ITPK1: variants seen among roughly 807,000 people sequenced by gnomAD.
ITPK1 encodes the protein inositol-tetrakisphosphate 1-kinase.
ITPK1 carries 21 observed loss-of-function variants against 45.3 expected under a neutral mutation model. That is an observed-to-expected ratio of 0.46 (90% CI 0.33 to 0.67). The LOEUF is 0.67. Among genes scored for constraint, ITPK1 ranks in the 30% least tolerant of loss-of-function variants. The pLI, the probability that ITPK1 is intolerant of heterozygous loss-of-function variation, is 0.02. For synonymous variants in ITPK1, 258 were observed against 253.6 expected (o/e 1.02, Z -0.16); for missense variants, 474 against 573.5 (o/e 0.83, Z 1.77).
chr14:93,066,045 T>A, intron 3 of ITPK1: 2 of 275,210 alleles, frequency 7.3e-6, no homozygotes, highest in Non-Finnish European at 1.5e-5. Flanking sequence ...TGTGAGCCTA[T>A]CTTGACTTCC....
In ITPK1 at chr14:93,110,137, C is replaced by G. The variant is rs555876714; in HGVS notation, c.95+4932G>C. 3.3e-5 allele frequency among the ~76,000 whole-genome samples: 5 copies of G among 152,238 alleles called. No homozygotes were observed. The East Asian group carries it at 9.6e-4, about 29-fold the overall frequency. On this transcript the variant is annotated intron_variant, in intron 2 of 10. Transcript: ENST00000267615. ...GCACATAGGCAGTCAGTCGTGGAGTCAGGCCTGAAACTGAGGCAGTCCCTT... is the reference window on the plus strand; with the variant it reads ...GCACATAGGCAGTCAGTCGTGGAGTGAGGCCTGAAACTGAGGCAGTCCCTT...
chr14:93,109,700 A>C (rs1005194170), intron 2 of ITPK1, among the ~76,000 whole-genome samples: 3 of 152,188 alleles, frequency 2.0e-5, no homozygotes, highest in Non-Finnish European at 4.4e-5. Context: ...CCATGTGCTG[A>C]AGGAGAACAG....
In ITPK1 at chr14:93,038,437, C is replaced by T. The variant is rs150424614; in HGVS notation, c.121-21636G>A. Among the ~76,000 whole-genome samples, 526 of 152,242 alleles carry T rather than the reference C, an allele frequency of 3.5e-3. 4 individuals are homozygous for T. Among genetic ancestry groups the T allele is most frequent in the African/African-American group, 0.012 (500 of 41,548 alleles). On this transcript the variant is annotated intron_variant, in intron 3 of 10. Coordinates refer to ENST00000267615, the MANE Select transcript of ITPK1 (RefSeq NM_014216.6). The stretch of plus-strand genomic sequence containing the variant: ...TAATGTTTGGTTGTTTCTAATTGTA[C>T]AATTATACATAACACAGGAAAAATG...
At chr14:93,043,268 C>G (rs965670623) in intron 3 of ITPK1, among the ~76,000 whole-genome samples, 1 of 151,904 alleles carries the variant, frequency 6.6e-6, no homozygotes, top group Non-Finnish European at 1.5e-5. Context: ...CTAAGGAGAT[C>G]GGATTGAAAT....
Position 92,975,118 on chromosome 14 carries a change from C to T in ITPK1, c.365-12269G>A, listed in dbSNP as rs116907081. On this transcript the variant is annotated intron_variant, in intron 5 of 10. Transcript: ENST00000267615. ...TGTAAAGCCCAGCCTAAGGCTGAGCCGCTGCTCCATGCTCCCCAACGGCTC... is the reference window on the plus strand; with the variant it reads ...TGTAAAGCCCAGCCTAAGGCTGAGCTGCTGCTCCATGCTCCCCAACGGCTC... Among the ~76,000 whole-genome samples, 99 of 152,338 alleles carry T rather than the reference C, an allele frequency of 6.5e-4. No homozygotes were observed. In the East Asian group the frequency reaches 7.1e-3, roughly 11 times the overall value.
chr14:93,015,017 G>C (rs1305963684), intron 4 of ITPK1, among the ~76,000 whole-genome samples: 1 of 152,232 alleles, frequency 6.6e-6, no homozygotes, highest in South Asian at 2.1e-4. Flanking sequence ...ACAGGCACAT[G>C]AACTGGGCAC....
chr14:93,105,679 C>A (rs1436057991), intron 2 of ITPK1, among the ~76,000 whole-genome samples: 2 of 151,098 alleles, frequency 1.3e-5, no homozygotes, highest in Non-Finnish European at 2.9e-5. Flanking sequence ...CACCCACCAC[C>A]ACGCCTGGCT....
intron 3 of ITPK1, among the ~76,000 whole-genome samples, chr14:93,060,574 C>T (rs919038087): frequency 3.9e-5 from 6 of 152,166 alleles, no homozygotes; most frequent in Admixed American, 2.0e-4. Flanking sequence ...TGCTCTGCTG[C>T]AAAAGGCCCA....
rs1215518939 is a variant in ITPK1, at chr14:92,939,961, T to C, written c.*1600A>G. On this transcript the variant is annotated 3_prime_UTR_variant, in exon 11 of 11. Transcript: ENST00000267615. The stretch of plus-strand genomic sequence containing the variant: ...GGCTCAGGGTCAGAACTAGGAAAGG[T>C]GACGTACAGACATTAATCGGGGTTC... 1.0e-6 allele frequency: 1 copy of C among 985,702 alleles called. No homozygotes were observed. Among genetic ancestry groups the C allele is most frequent in the Non-Finnish European group, 1.2e-6 (1 of 829,942 alleles). The allele number at this position is 985,702 out of a possible 1,614,324, so 61.1% of individuals were successfully genotyped here. A position where few individuals can be genotyped will look rare whatever the true frequency, so the allele number is the denominator to read the frequency against.
chr14:92,982,025 T>C (rs573849151), intron 5 of ITPK1, among the ~76,000 whole-genome samples: 3 of 152,126 alleles, frequency 2.0e-5, no homozygotes, highest in South Asian at 2.1e-4. Flanking sequence ...AGGGGCAGTA[T>C]GACAGGAGAC....
intron 5 of ITPK1, among the ~76,000 whole-genome samples, chr14:92,967,635 C>G (rs372909862): frequency 6.6e-6 from 1 of 152,182 alleles, no homozygotes; most frequent in Admixed American, 6.5e-5. Flanking sequence ...TCATCATAGT[C>G]CAAATGGGGC....
At chr14:92,988,790 C>T (rs1187633792) in intron 5 of ITPK1, among the ~76,000 whole-genome samples, 1 of 152,194 alleles carries the variant, frequency 6.6e-6, no homozygotes, top group African/African-American at 2.4e-5. Context: ...AGTATCCTCA[C>T]CTCTAAATCG....
chr14:92,957,625 G>A (rs72704292), intron 8 of ITPK1, among the ~76,000 whole-genome samples: 11,371 of 152,250 alleles, frequency 0.075, 632 homozygotes, highest in East Asian at 0.32. Flanking sequence ...CTAGACCACC[G>A]TCCACTGACT....
intron 2 of ITPK1, among the ~76,000 whole-genome samples, chr14:93,085,830 T>C (rs1386059576): frequency 6.6e-6 from 1 of 152,228 alleles, no homozygotes; most frequent in African/African-American, 2.4e-5. Context: ...TTTGAGTCTT[T>C]TACTATCCCC....
chr14:93,086,795 G>A (rs144787580), intron 2 of ITPK1, among the ~76,000 whole-genome samples: 1 of 152,324 alleles, frequency 6.6e-6, no homozygotes, highest in East Asian at 1.9e-4. Flanking sequence ...CCAGGTCATG[G>A]GCACTGGGGT....
Position 92,941,129 on chromosome 14 carries a change from T to G in ITPK1, c.*432A>C. On this transcript the variant is annotated 3_prime_UTR_variant, in exon 11 of 11. Coordinates refer to ENST00000267615, the MANE Select transcript of ITPK1 (RefSeq NM_014216.6). ...GGGAGTCAGGCAGAAGGGAAGCCACTCTCACATGCACCGATCAGCCTCCCA... is the reference window on the plus strand; with the variant it reads ...GGGAGTCAGGCAGAAGGGAAGCCACGCTCACATGCACCGATCAGCCTCCCA... The G allele has an allele frequency of 8.3e-7, 1 of 1,205,308 alleles. No homozygotes were observed. Among genetic ancestry groups the G allele is most frequent in the Non-Finnish European group, 1.0e-6 (1 of 953,584 alleles). 74.7% of individuals were successfully genotyped at this position (1,205,308 alleles called of 1,614,324 possible).
intron 3 of ITPK1, among the ~76,000 whole-genome samples, chr14:93,072,461 A>AT (rs1891053384): frequency 6.6e-6 from 1 of 152,094 alleles, no homozygotes; most frequent in Non-Finnish European, 1.5e-5. Flanking sequence ...TTTCATCTCC[A>AT]TTTTTTAATT....
chr14:93,079,460 G>A (rs1035239726), intron 2 of ITPK1, among the ~76,000 whole-genome samples: 10 of 152,182 alleles, frequency 6.6e-5, no homozygotes, highest in South Asian at 6.2e-4. Context: ...GAGCTGGCCC[G>A]GAACAGGGCT....
In ITPK1 at chr14:92,938,754, C is replaced by G. The variant is rs1887222716; in HGVS notation, c.*2807G>C. ...AGCACCAGTTCCAGGGTGGCCTCCCCTTGGCTCTTGGGGTGGGGACACCCA... is the reference window on the plus strand; with the variant it reads ...AGCACCAGTTCCAGGGTGGCCTCCCGTTGGCTCTTGGGGTGGGGACACCCA... On this transcript the variant is annotated 3_prime_UTR_variant, in exon 11 of 11. Coordinates refer to ENST00000267615, the MANE Select transcript of ITPK1 (RefSeq NM_014216.6). 1.7e-6 allele frequency: 1 copy of G among 596,176 alleles called. No homozygotes were observed. The highest frequency in any genetic ancestry group is 3.0e-6 in the Non-Finnish European group (1 of 335,284). 36.9% of individuals were successfully genotyped at this position (596,176 alleles called of 1,614,324 possible).
Sources: allele counts gnomAD v4.1 joint callset (sites outside exome capture counted in the v4.1 genomes callset), GRCh38; gene constraint gnomAD v4.1.1; transcripts MANE v1.5; gene names NCBI Gene and HGNC (gene_info 2026-07-23, HGNC 2026-07-21).